Variants in SIX6 observed in about 807,000 individuals in gnomAD.
SIX6 encodes SIX homeobox 6.
A neutral mutation model predicts 23.6 loss-of-function variants in SIX6; 14 were observed. The ratio of observed to expected loss-of-function variants is 0.59; its 90% CI spans 0.39 to 0.93. The LOEUF is 0.93. Among genes scored for constraint, SIX6 ranks in the 40% least tolerant of loss-of-function variants. The probability of loss-of-function intolerance (pLI) is 0.00; values close to 1 mark genes in which losing one functional copy is unlikely to be tolerated. For missense variants in SIX6, 307 were observed against 325.6 expected, an observed-to-expected ratio of 0.94 and a Z score of 0.44; for synonymous variants, 128 against 144.9, an observed-to-expected ratio of 0.88 and a Z score of 0.84.
chr14:60,511,151 G>A lies in SIX6; in HGVS notation c.640G>A (p.Glu214Lys), dbSNP rs773738794. 1 of 1,612,944 alleles carries A rather than the reference G, an allele frequency of 6.2e-7. No individual in the cohort carries two copies. The highest frequency in any genetic ancestry group is 1.1e-5 in the South Asian group (1 of 91,080). ...ACGGGCGGAGGGCGACGGCACGCCA[G>A]AGGTGCTGGGCGTCGCCACCAGCCC... ...ALRAEGDGTP[E>K]VLGVATSPAA... The change falls in exon 2 of 2, where the codon GAG becomes AAG. Residue 214 changes from glutamate (E) to lysine (K), a missense_variant. By Grantham distance (56) the Glu-to-Lys change is moderately conservative. Coordinates refer to ENST00000327720, the MANE Select transcript of SIX6 (RefSeq NM_007374.3).
At chr14:60,510,080 G>C in intron 1 of SIX6, 110 bp downstream of exon 1, 1 of 992,702 alleles carries the variant, frequency 1.0e-6, no homozygotes, top group Non-Finnish European at 1.6e-6. Flanking sequence ...CAGGAGTTGG[G>C]AGCGCGGTCT....
rs1180981020 is a variant in SIX6 at position 60,509,591 on chromosome 14, G to A, written c.193G>A (p.Gly65Ser). The A allele has an allele frequency of 1.9e-5, 31 of 1,613,220 alleles. No homozygotes were observed. The highest frequency in any genetic ancestry group is 2.5e-5 in the Non-Finnish European group (30 of 1,180,030). The change falls in exon 1 of 2, where the codon GGC (glycine) becomes AGC (serine). Residue 65 changes from glycine (G) to serine (S), a missense_variant. Physicochemically the swap from Gly to Ser is moderately conservative, Grantham distance 56. Transcript: ENST00000327720. ...ACGAGCCATCGTGGCCTTTCACGGT[G>A]GCAACTACCGCGAGCTCTATCATAT... ...RARAIVAFHG[G>S]NYRELYHILE... is the part of the protein sequence containing the mutation.
At position 60,509,357 on chromosome 14, in the gene SIX6, C is replaced by G; in HGVS notation, c.-42C>G. The G allele has an allele frequency of 5.8e-6, 9 of 1,559,200 alleles. No homozygotes were observed. The highest frequency in any genetic ancestry group is 7.9e-6 in the Non-Finnish European group (9 of 1,143,958). On this transcript the variant is annotated 5_prime_UTR_variant, in exon 1 of 2. Transcript: ENST00000327720. ...GCCCGCGGGCATCTGCTGCGTGTCC[C>G]GCTCCGGGCTCAGTGCCCTCGCCGC...
At position 60,512,220 on chromosome 14, in the gene SIX6, G is replaced by A. The variant is rs1438908361; in HGVS notation, c.*968G>A. On this transcript the variant is annotated 3_prime_UTR_variant, in exon 2 of 2. Transcript: ENST00000327720. ...ACAGCTTTCAGGAGCAATTTAGGAA[G>A]CCAAACTATGGGACTCAATAAGTGA... The A allele has an allele frequency of 6.6e-6, 1 of 152,172 alleles. No individual in the cohort carries two copies. Among genetic ancestry groups the A allele is most frequent in the African/African-American group, 2.4e-5 (1 of 41,446 alleles). 9.4% of individuals were successfully genotyped at this position (152,172 alleles called of 1,614,324 possible).
Position 60,512,148 on chromosome 14 carries a change from A to T in SIX6, c.*896A>T. Reference sequence around the variant, plus strand: ...AGGCAAGTCCCCGCATCCCCAGCACAGGTAATTATGGCTTGTCCACTTGAC... The same window carrying T: ...AGGCAAGTCCCCGCATCCCCAGCACTGGTAATTATGGCTTGTCCACTTGAC... On this transcript the variant is annotated 3_prime_UTR_variant, in exon 2 of 2. Transcript: ENST00000327720. 1 of 152,266 alleles carries T rather than the reference A, an allele frequency of 6.6e-6. No individual in the cohort carries two copies. The highest frequency in any genetic ancestry group is 1.5e-5 in the Non-Finnish European group (1 of 68,054). 9.4% of individuals were successfully genotyped at this position (152,266 alleles called of 1,614,324 possible).
chr14:60,509,275 A>C lies in SIX6; in HGVS notation c.-124A>C. 1 of 828,830 alleles carries C rather than the reference A, an allele frequency of 1.2e-6. No individual in the cohort carries two copies. The highest frequency in any genetic ancestry group is 2.0e-6 in the Non-Finnish European group (1 of 499,706). 51.3% of individuals were successfully genotyped at this position (828,830 alleles called of 1,614,324 possible). A position where few individuals can be genotyped will look rare whatever the true frequency, so the allele number is the denominator to read the frequency against. ...CGTTGAGCCACCGCCGCCACCCGGT[A>C]GTGTGTCCCGCTGCCCCAATCCGCC... On this transcript the variant is annotated 5_prime_UTR_variant, in exon 1 of 2. Transcript: ENST00000327720.
At chr14:60,510,646 G>T (rs1410166588) in intron 1 of SIX6, among the ~76,000 whole-genome samples, 1 of 152,166 alleles carries the variant, frequency 6.6e-6, no homozygotes, top group African/African-American at 2.4e-5. Flanking sequence ...GGGCCGACCC[G>T]ATCCAACGCG....
rs1184086571 is a variant in SIX6, at chr14:60,509,641, G to A, written c.243G>A (p.Lys81=). 1.9e-6 allele frequency: 3 copies of A among 1,613,788 alleles called. No homozygotes were observed. Among genetic ancestry groups the A allele is most frequent in the Non-Finnish European group, 2.5e-6 (3 of 1,180,030 alleles). ...TCCTGGAAAACCACAAGTTCACCAA[G>A]GAGTCGCACGCCAAGCTGCAGGCGC... ...YHILENHKFT[K]ESHAKLQALW... Residue 81 remains lysine, a synonymous_variant, in exon 1 of 2, where the codon AAG becomes AAA. Transcript: ENST00000327720.
Position 60,511,627 on chromosome 14 carries a change from TA to T in SIX6, c.*378del. ...TGTTACATATGTATAACTTTCGCTT[TA>T]AAGTTTTTTTTTAACAAAACATATA... On this transcript the variant is annotated 3_prime_UTR_variant, in exon 2 of 2. Transcript: ENST00000327720. 2.6e-6 allele frequency: 1 copy of T among 383,924 alleles called. No homozygotes were observed. The highest frequency in any genetic ancestry group is 4.9e-6 in the Non-Finnish European group (1 of 202,924). 23.8% of individuals were successfully genotyped at this position (383,924 alleles called of 1,614,324 possible).
chr14:60,511,018 T>G, intron 1 of SIX6, 66 bp from the exon 2 acceptor site: 1 of 1,515,568 alleles, frequency 6.6e-7, no homozygotes, highest in Admixed American at 1.8e-5. Flanking sequence ...ACGCAGGAGG[T>G]GGTGGGGGCG....
intron 1 of SIX6, 73 bp from the exon 2 acceptor site, chr14:60,511,011 C>A: frequency 6.7e-7 from 1 of 1,482,820 alleles, no homozygotes; most frequent in Non-Finnish European, 9.3e-7. Context: ...TGGAGGGACG[C>A]AGGAGGTGGT....
At position 60,512,032 on chromosome 14, in the gene SIX6, CATATGTATGTACCTATACAAACAT is replaced by C. The variant is rs1435539492; in HGVS notation, c.*783_*806del. 9.6e-4 allele frequency: 4 copies of C among 4,188 alleles called. No individual in the cohort carries two copies. The highest frequency in any genetic ancestry group is 5.0e-3 in the Non-Finnish European group (4 of 794). 0.3% of individuals were successfully genotyped at this position (4,188 alleles called of 1,614,324 possible). ...GCATATATGTATGTACCTATACAAA[CATATGTATGTACCTATACAAACAT>C]ATGTATGTATGCATACACGTGATAT... On this transcript the variant is annotated 3_prime_UTR_variant, in exon 2 of 2. Coordinates refer to ENST00000327720, the MANE Select transcript of SIX6 (RefSeq NM_007374.3).
At chr14:60,510,999 G>A in intron 1 of SIX6, 85 bp from the exon 2 acceptor site, 1 of 1,409,350 alleles carries the variant, frequency 7.1e-7, no homozygotes. Context: ...TAGCCGCCGG[G>A]CTGGAGGGAC....
intron 1 of SIX6, among the ~76,000 whole-genome samples, chr14:60,510,319 A>C (rs1893271612): frequency 1.3e-5 from 2 of 152,234 alleles, no homozygotes; most frequent in Non-Finnish European, 2.9e-5. Context: ...GCCTGGGCAC[A>C]GGCTCCTACT....
At chr14:60,510,845 A>G (rs1057174318) in intron 1 of SIX6, among the ~76,000 whole-genome samples, 1 of 152,236 alleles carries the variant, frequency 6.6e-6, no homozygotes, top group Non-Finnish European at 1.5e-5. Flanking sequence ...AAGACCTGGG[A>G]GCTGCGGCGC....
At position 60,511,523 on chromosome 14, in the gene SIX6, A is replaced by G; in HGVS notation, c.*271A>G. 2 of 576,380 alleles carry G rather than the reference A, an allele frequency of 3.5e-6. No homozygotes were observed. The highest frequency in any genetic ancestry group is 6.2e-6 in the Non-Finnish European group (2 of 322,794). The allele number at this position is 576,380 out of a possible 1,614,324, so 35.7% of individuals were successfully genotyped here. A position where few individuals can be genotyped will look rare whatever the true frequency, so the allele number is the denominator to read the frequency against. ...TGCTTTTTCCTAAGGATTTTGCTGCAAAGTCTCCTTCGGAACCCGAACTGC... is the reference window on the plus strand; with the variant it reads ...TGCTTTTTCCTAAGGATTTTGCTGCGAAGTCTCCTTCGGAACCCGAACTGC... On this transcript the variant is annotated 3_prime_UTR_variant, in exon 2 of 2. Coordinates refer to ENST00000327720, the MANE Select transcript of SIX6 (RefSeq NM_007374.3).
chr14:60,511,632 T>G lies in SIX6; in HGVS notation c.*380T>G. ...CATATGTATAACTTTCGCTTTAAAGTTTTTTTTTAACAAAACATATATATG... is the reference window on the plus strand; with the variant it reads ...CATATGTATAACTTTCGCTTTAAAGGTTTTTTTTAACAAAACATATATATG... On this transcript the variant is annotated 3_prime_UTR_variant, in exon 2 of 2. Coordinates refer to ENST00000327720, the MANE Select transcript of SIX6 (RefSeq NM_007374.3). The G allele has an allele frequency of 8.3e-6, 3 of 360,640 alleles. No homozygotes were observed. The highest frequency in any genetic ancestry group is 2.6e-5 in the South Asian group (1 of 39,064). 22.3% of individuals were successfully genotyped at this position (360,640 alleles called of 1,614,324 possible).
Position 60,509,665 on chromosome 14 carries a change from G to A in SIX6, c.267G>A (p.Ala89=), listed in dbSNP as rs1893260616. Residue 89 remains alanine, a synonymous_variant, in exon 1 of 2, where the codon GCG becomes GCA. Transcript: ENST00000327720. ...FTKESHAKLQ[A]LWLEAHYQEA... is the part of the protein sequence containing the mutation. ...AGGAGTCGCACGCCAAGCTGCAGGC[G>A]CTGTGGCTTGAAGCACACTACCAGG... 6.2e-7 allele frequency: 1 copy of A among 1,613,942 alleles called. No individual in the cohort carries two copies. Among genetic ancestry groups the A allele is most frequent in the Non-Finnish European group, 8.5e-7 (1 of 1,180,022 alleles).
chr14:60,509,834 T>G lies in SIX6; in HGVS notation c.436T>G (p.Trp146Gly), dbSNP rs1398379921. Residue 146 changes from tryptophan (W) to glycine (G), a missense_variant, in exon 1 of 2, where the codon TGG becomes GGG. Physicochemically the swap from Trp to Gly is radical, Grantham distance 184 (BLOSUM62 -2). Coordinates refer to ENST00000327720, the MANE Select transcript of SIX6 (RefSeq NM_007374.3). ...GCGCACGCGGCACCTGCTACGCGAG[T>G]GGTACCTGCAGGATCCATACCCTAA... The part of the protein sequence containing the change: ...KERTRHLLRE[W>G]YLQDPYPNPS... The G allele has an allele frequency of 1.2e-6, 2 of 1,613,746 alleles. No homozygotes were observed. The highest frequency in any genetic ancestry group is 2.2e-5 in the East Asian group (1 of 44,864).
Sources: gnomAD v4.1 joint callset for allele counts (sites outside exome capture counted in the v4.1 genomes callset) on GRCh38, gnomAD v4.1.1 for gene constraint, MANE v1.5 for transcripts, NCBI Gene and HGNC (gene_info 2026-07-23, HGNC 2026-07-21) for gene names.